The following PBRM1 variants were observed in gnomAD, a reference collection of about 807,000 sequenced individuals.
The protein encoded by PBRM1 is protein polybromo-1.
In PBRM1, 27 loss-of-function variants were observed where a neutral mutation model predicts 194.5. The ratio of observed to expected loss-of-function variants is 0.14; its 90% CI spans 0.10 to 0.19. The LOEUF is 0.19. Ranked by LOEUF, PBRM1 falls within the 10% of genes least tolerant of loss-of-function variation. PBRM1 has a pLI of 1.00. For missense variants in PBRM1, 1,466 were observed against 2,077.2 expected, an observed-to-expected ratio of 0.71 and a Z score of 5.72; for synonymous variants, 655 against 693.2, an observed-to-expected ratio of 0.94 and a Z score of 0.87.
chr3:52,566,161 G>A (rs2085158947), intron 22 of PBRM1, among the ~76,000 whole-genome samples: 1 of 151,578 alleles, frequency 6.6e-6, no homozygotes, highest in South Asian at 2.1e-4. Context: ...TAAGATGCCT[G>A]TATTAAAAAA....
upstream of PBRM1, among the ~76,000 whole-genome samples, chr3:52,683,711 G>C (rs757860841): frequency 7.4e-6 from 1 of 134,260 alleles, no homozygotes; most frequent in Non-Finnish European, 1.6e-5. Context: ...CCAGGCACTC[G>C]AGAGGGTGAG....
rs1176390657 is a variant in PBRM1, at chr3:52,678,492, G to A, written c.236+8C>T. ...CCCCGCAACTGTACTGATGTGCTTC[G>A]AACTCACCTTCGCTTTGGTGCCCTA... On this transcript the variant is annotated splice_region_variant and intron_variant, in intron 2 of 29. Transcript: ENST00000296302. The A allele has an allele frequency of 2.2e-5, 35 of 1,584,574 alleles. No homozygotes were observed. Among genetic ancestry groups the A allele is most frequent in the Non-Finnish European group, 2.9e-5 (33 of 1,153,274 alleles).
chr3:52,546,728 A>G (rs990975440), downstream of PBRM1: 9 of 232,846 alleles, frequency 3.9e-5, no homozygotes, highest in Non-Finnish European at 8.5e-6. Context: ...CTGCCATCCT[A>G]TGCTGCCTTC....
chr3:52,658,409 C>CA, intron 4 of PBRM1, 94 bp from the exon 6 acceptor site: 4 of 604,064 alleles, frequency 6.6e-6, no homozygotes, highest in Non-Finnish European at 1.1e-5. Context: ...TTCAAAACAG[C>CA]AACTTTTTTT....
At chr3:52,586,317 G>T in intron 20 of PBRM1, 108 bp downstream of exon 22, 2 of 920,818 alleles carry the variant, frequency 2.2e-6, no homozygotes, top group Non-Finnish European at 3.3e-6. Context: ...TTTGGCTAAG[G>T]TTTTGTGTTG....
intron 17 of PBRM1, among the ~76,000 whole-genome samples, chr3:52,596,689 C>T (rs1197745017): frequency 1.3e-5 from 2 of 152,000 alleles, no homozygotes; most frequent in African/African-American, 4.8e-5. Flanking sequence ...AGTGCCTTAT[C>T]CTACTGTGGC....
chr3:52,673,069 C>T (rs1356821742), intron 2 of PBRM1, among the ~76,000 whole-genome samples: 1 of 151,614 alleles, frequency 6.6e-6, no homozygotes, highest in African/African-American at 2.4e-5. Flanking sequence ...CTCACTGCAA[C>T]CTCCGCCTCC....
chr3:52,618,376 C>T (rs1404112960), intron 13 of PBRM1, among the ~76,000 whole-genome samples: 1 of 152,164 alleles, frequency 6.6e-6, no homozygotes, highest in African/African-American at 2.4e-5. Context: ...GCTGAGAAAA[C>T]TGGCTCAGAG....
At chr3:52,627,440 GA>G (rs1201951891) in intron 12 of PBRM1, 70 bp from the exon 14 acceptor site, 1 of 865,192 alleles carries the variant, frequency 1.2e-6, no homozygotes, top group African/African-American at 1.7e-5. Flanking sequence ...GAATGTTAAA[GA>G]GCTAGACATA....
chr3:52,552,409 G>A (rs2081198846), intron 27 of PBRM1, among the ~76,000 whole-genome samples: 1 of 152,136 alleles, frequency 6.6e-6, no homozygotes, highest in South Asian at 2.1e-4. Flanking sequence ...TGCATTTGTA[G>A]GCACTAAGAG....
intron 16 of PBRM1, among the ~76,000 whole-genome samples, chr3:52,604,865 A>G (rs2094238626): frequency 6.6e-6 from 1 of 152,006 alleles, no homozygotes; most frequent in South Asian, 2.1e-4. Context: ...GAGGCAGGAC[A>G]ATCACTTGAA....
intron 22 of PBRM1, among the ~76,000 whole-genome samples, chr3:52,568,814 G>A (rs2086142897): frequency 6.6e-6 from 1 of 152,018 alleles, no homozygotes; most frequent in African/African-American, 2.4e-5. Context: ...TTTAATTATT[G>A]TAGTGCTATA....
At chr3:52,626,351 G>A (rs1260541528) in intron 13 of PBRM1, among the ~76,000 whole-genome samples, 1 of 152,220 alleles carries the variant, frequency 6.6e-6, no homozygotes, top group South Asian at 2.1e-4. Flanking sequence ...CTATAAGAAG[G>A]AAAGCAGGAC....
intron 17 of PBRM1, among the ~76,000 whole-genome samples, chr3:52,589,990 G>A (rs2092861777): frequency 6.6e-6 from 1 of 151,730 alleles, no homozygotes; most frequent in African/African-American, 2.4e-5. Flanking sequence ...CACCACGCCT[G>A]GCTAATTTTG....
Position 52,651,850 on chromosome 3 carries a change from T to C in PBRM1, c.646-40A>G, listed in dbSNP as rs780598577. ...ACCAGGCATGCTCAATAAGTTAAAC[T>C]ATTCAGCTAATGAAAAGAGAAGGAA... On this transcript the variant is annotated intron_variant, in intron 5 of 29. Transcript: ENST00000296302. 5 of 1,294,970 alleles carry C rather than the reference T, an allele frequency of 3.9e-6. No individual in the cohort carries two copies. The Admixed American group carries it at 6.0e-5, about 16-fold the overall frequency. 80.2% of individuals were successfully genotyped at this position (1,294,970 alleles called of 1,614,324 possible).
At chr3:52,608,062 C>T (rs1294276942) in intron 16 of PBRM1, among the ~76,000 whole-genome samples, 1 of 152,234 alleles carries the variant, frequency 6.6e-6, no homozygotes, top group Non-Finnish European at 1.5e-5. Context: ...GAGTTCCTTA[C>T]ATCACCATCT....
chr3:52,676,638 G>A (rs1043255501), intron 2 of PBRM1, among the ~76,000 whole-genome samples: 1 of 152,140 alleles, frequency 6.6e-6, no homozygotes, highest in Admixed American at 6.5e-5. Flanking sequence ...AGAGTTGGGC[G>A]CTGCTGAAAA....
chr3:52,651,431 T>C (rs1046982690), intron 6 of PBRM1, among the ~76,000 whole-genome samples: 3 of 152,220 alleles, frequency 2.0e-5, no homozygotes, highest in East Asian at 1.9e-4. Context: ...CAAAATTTCA[T>C]GTACCCCATA....
intron 22 of PBRM1, among the ~76,000 whole-genome samples, chr3:52,570,551 A>G (rs1260262202): frequency 6.6e-6 from 1 of 152,232 alleles, no homozygotes; most frequent in Admixed American, 6.5e-5. Context: ...AGTAAAAGTG[A>G]TTGGTGGCTT....
Sources: allele counts gnomAD v4.1 joint callset (sites outside exome capture counted in the v4.1 genomes callset), GRCh38; gene constraint gnomAD v4.1.1; transcripts MANE v1.5; gene names NCBI Gene and HGNC (gene_info 2026-07-23, HGNC 2026-07-21).